Variants in CNTNAP2 observed in about 807,000 individuals in gnomAD.
CNTNAP2 encodes the protein contactin-associated protein-like 2.
A neutral mutation model predicts 155.2 loss-of-function variants in CNTNAP2; 98 were observed. The ratio of observed to expected loss-of-function variants is 0.63; its 90% CI spans 0.54 to 0.75. The LOEUF is 0.75. Ranked by LOEUF, CNTNAP2 falls within the 30% of genes least tolerant of loss-of-function variation. The pLI is 0.00. For synonymous variants in CNTNAP2, 651 were observed against 631.2 expected (o/e 1.03, Z -0.47); for missense variants, 1,727 against 1,688.1 (o/e 1.02, Z -0.40).
chr7:148,019,782 G>C (rs1044434817), intron 15 of CNTNAP2, among the ~76,000 whole-genome samples: 1 of 151,498 alleles, frequency 6.6e-6, no homozygotes, highest in African/African-American at 2.4e-5. Flanking sequence ...TTTGGGGGGA[G>C]GGGTGTGAGG....
chr7:147,079,082 A>G (rs889088725), intron 4 of CNTNAP2, among the ~76,000 whole-genome samples: 3 of 152,152 alleles, frequency 2.0e-5, no homozygotes, highest in Admixed American at 1.3e-4. Flanking sequence ...ACCTTAATTT[A>G]GTCTGTGACA....
chr7:147,040,554 G>A (rs573067793), intron 3 of CNTNAP2, among the ~76,000 whole-genome samples: 1 of 147,910 alleles, frequency 6.8e-6, no homozygotes, highest in Non-Finnish European at 1.5e-5. Flanking sequence ...CCTGCCTCCT[G>A]GGTTCAAGTG....
At chr7:147,473,097 A>T (rs10282126) in intron 10 of CNTNAP2, among the ~76,000 whole-genome samples, 118,537 of 152,086 alleles carry the variant, frequency 0.78, 46,559 homozygotes, top group African/African-American at 0.87. Flanking sequence ...ATAGACTGAG[A>T]AAACGGAGGT....
At chr7:147,531,522 C>T (rs575497400) in intron 11 of CNTNAP2, among the ~76,000 whole-genome samples, 1 of 152,344 alleles carries the variant, frequency 6.6e-6, no homozygotes, top group African/African-American at 2.4e-5. Context: ...GAAACCACAG[C>T]CCAAGCTGTA....
intron 11 of CNTNAP2, among the ~76,000 whole-genome samples, chr7:147,529,135 T>C (rs1410108897): frequency 1.3e-5 from 2 of 152,224 alleles, no homozygotes; most frequent in African/African-American, 4.8e-5. Flanking sequence ...AGCTTGTAGA[T>C]TCTGAGTTTA....
chr7:147,827,314 A>G (rs1798469064), intron 13 of CNTNAP2, among the ~76,000 whole-genome samples: 1 of 152,108 alleles, frequency 6.6e-6, no homozygotes. Context: ...GGTGTCAAGC[A>G]CTCTGTGGCT....
intron 13 of CNTNAP2, among the ~76,000 whole-genome samples, chr7:147,742,799 A>C (rs896933041): frequency 6.6e-6 from 1 of 152,206 alleles, no homozygotes; most frequent in South Asian, 2.1e-4. Context: ...CAAAACAAAC[A>C]CAGCGTTTTC....
rs141925786 is a variant in CNTNAP2 at position 147,726,491 on chromosome 7, G to A, written c.2098+87185G>A. Among the ~76,000 whole-genome samples, 952 of 152,036 alleles carry A rather than the reference G, an allele frequency of 6.3e-3. 5 individuals carry two copies. Among genetic ancestry groups the A allele is most frequent in the African/African-American group, 0.022 (908 of 41,500 alleles). On this transcript the variant is annotated intron_variant, in intron 13 of 23. Transcript: ENST00000361727. ...CAAAGACCATCTTAAGTCAGCACAG[G>A]TGTTAGGCTGTCTTTATGTTAAGGG...
At chr7:147,198,098 T>C (rs1802842234) in intron 8 of CNTNAP2, among the ~76,000 whole-genome samples, 1 of 152,130 alleles carries the variant, frequency 6.6e-6, no homozygotes, top group African/African-American at 2.4e-5. Context: ...GATAAATCTA[T>C]TTTACTTTAA....
intron 1 of CNTNAP2, among the ~76,000 whole-genome samples, chr7:146,520,755 A>C (rs1797606439): frequency 1.3e-5 from 2 of 151,918 alleles, no homozygotes; most frequent in Admixed American, 1.3e-4. Context: ...ACCAACTCTT[A>C]ACTGGTGGAA....
At chr7:147,126,154 C>G (rs893451786) in intron 6 of CNTNAP2, among the ~76,000 whole-genome samples, 1 of 152,158 alleles carries the variant, frequency 6.6e-6, no homozygotes, top group African/African-American at 2.4e-5. Flanking sequence ...ATTATATTGA[C>G]TGGGGAGCAA....
intron 1 of CNTNAP2, among the ~76,000 whole-genome samples, chr7:146,295,160 C>T (rs978374711): frequency 2.6e-5 from 4 of 152,108 alleles, no homozygotes; most frequent in Admixed American, 6.5e-5. Context: ...AACTATGGAA[C>T]GTGTACTATC....
At chr7:147,187,356 T>A (rs1168222743) in intron 8 of CNTNAP2, among the ~76,000 whole-genome samples, 4 of 151,920 alleles carry the variant, frequency 2.6e-5, no homozygotes, top group Non-Finnish European at 5.9e-5. Context: ...CAACAGAGAA[T>A]CAACTCAGGT....
chr7:146,253,296 C>T (rs1431643374), intron 1 of CNTNAP2, among the ~76,000 whole-genome samples: 1 of 152,204 alleles, frequency 6.6e-6, no homozygotes, highest in African/African-American at 2.4e-5. Context: ...GCCAACCTAA[C>T]AAATTCTGTT....
At chr7:147,884,377 G>A (rs1487822501) in intron 13 of CNTNAP2, among the ~76,000 whole-genome samples, 1 of 151,914 alleles carries the variant, frequency 6.6e-6, no homozygotes, top group Non-Finnish European at 1.5e-5. Context: ...TTCCTAATAG[G>A]CATCTTAATC....
At chr7:147,970,758 T>C (rs1243267121) in intron 14 of CNTNAP2, among the ~76,000 whole-genome samples, 1 of 152,214 alleles carries the variant, frequency 6.6e-6, no homozygotes, top group African/African-American at 2.4e-5. Context: ...ATTGTTAAGC[T>C]TGTCCTGGAA....
Position 146,754,534 on chromosome 7 carries a change from G to GTCTCTC in CNTNAP2, c.98-19723_98-19718dup, listed in dbSNP as rs71525968. 2.8e-5 allele frequency among the ~76,000 whole-genome samples: 4 copies of GTCTCTC among 143,438 alleles called. No individual in the cohort carries two copies. The East Asian group carries it at 8.3e-4, about 30-fold the overall frequency. The allele number at this position is 143,438 out of a possible 152,430, so 94.1% of individuals were successfully genotyped here. ...AAATTAAGTCATGTAGGTTGTTAGA[G>GTCTCTC]TCTCTCTCTCTCTCTCTCTGTCTCT... On this transcript the variant is annotated intron_variant, in intron 1 of 23. Transcript: ENST00000361727.
intron 21 of CNTNAP2, among the ~76,000 whole-genome samples, chr7:148,334,942 T>C (rs1798092748): frequency 6.6e-6 from 1 of 152,210 alleles, no homozygotes; most frequent in Admixed American, 6.5e-5. Flanking sequence ...AATGACTCTT[T>C]GTCCTTGAGT....
chr7:146,637,635 G>C (rs1025382445), intron 1 of CNTNAP2, among the ~76,000 whole-genome samples: 1 of 152,110 alleles, frequency 6.6e-6, no homozygotes, highest in African/African-American at 2.4e-5. Flanking sequence ...CCTTTCTAAT[G>C]TGTATTTTCT....
Sources: gnomAD v4.1 joint callset for allele counts (sites outside exome capture counted in the v4.1 genomes callset) on GRCh38, gnomAD v4.1.1 for gene constraint, MANE v1.5 for transcripts, NCBI Gene and HGNC (gene_info 2026-07-23, HGNC 2026-07-21) for gene names.